Variants in CNOT4 observed in about 807,000 individuals in gnomAD.
The protein encoded by CNOT4 is CCR4-NOT transcription complex subunit 4, also known as CCR4-associated factor 4.
Under a neutral mutation model 73.8 loss-of-function variants are expected in CNOT4, and 8 were observed. The ratio of observed to expected loss-of-function variants is 0.11; its 90% CI spans 0.06 to 0.20. The LOEUF is 0.20. Ranked by LOEUF, CNOT4 falls within the 10% of genes least tolerant of loss-of-function variation. The pLI is 1.00. For missense variants in CNOT4, 564 were observed against 883.4 expected, an observed-to-expected ratio of 0.64 and a Z score of 4.58; for synonymous variants, 293 against 321.1, an observed-to-expected ratio of 0.91 and a Z score of 0.94.
chr7:135,489,764 C>G (rs1311974825), intron 1 of CNOT4, among the ~76,000 whole-genome samples: 1 of 152,012 alleles, frequency 6.6e-6, no homozygotes, highest in African/African-American at 2.4e-5. Flanking sequence ...CAATAAAGGT[C>G]TAAGAAACAG....
At chr7:135,487,554 T>G (rs1802811310) in intron 1 of CNOT4, among the ~76,000 whole-genome samples, 1 of 152,106 alleles carries the variant, frequency 6.6e-6, no homozygotes, top group Non-Finnish European at 1.5e-5. Context: ...TTTCCGTACC[T>G]AAGCAGGTAT....
intron 2 of CNOT4, among the ~76,000 whole-genome samples, chr7:135,423,739 T>C (rs1026394682): frequency 3.9e-5 from 6 of 152,166 alleles, no homozygotes; most frequent in African/African-American, 1.4e-4. Flanking sequence ...CTTAACAGTT[T>C]GGTAGGATGT....
chr7:135,371,327 G>A (rs368579541), intron 10 of CNOT4, among the ~76,000 whole-genome samples: 1 of 152,196 alleles, frequency 6.6e-6, no homozygotes, highest in Non-Finnish European at 1.5e-5. Flanking sequence ...AAGGGTAAAT[G>A]TGTTTAAATA....
chr7:135,365,014 GA>G (rs1239361676), intron 10 of CNOT4, among the ~76,000 whole-genome samples: 2 of 152,074 alleles, frequency 1.3e-5, no homozygotes, highest in Non-Finnish European at 2.9e-5. Flanking sequence ...TGGAGTTTTT[GA>G]AAAAAGCATA....
Position 135,470,687 on chromosome 7 carries a change from T to C in CNOT4, c.-92-32264A>G, listed in dbSNP as rs1357187600. Reference sequence around the variant, plus strand: ...TCAATAAAAAAGAAGTGCTAATAGGTGAAACATGAACAAACCTGGAAAGCA... The same window carrying C: ...TCAATAAAAAAGAAGTGCTAATAGGCGAAACATGAACAAACCTGGAAAGCA... On this transcript the variant is annotated intron_variant, in intron 1 of 11. Transcript: ENST00000541284. 2.0e-5 allele frequency among the ~76,000 whole-genome samples: 3 copies of C among 151,948 alleles called. No homozygotes were observed. In the East Asian group the frequency reaches 5.8e-4, roughly 29 times the overall value.
chr7:135,395,605 T>C (rs1042005380), intron 9 of CNOT4, 29 bp downstream of exon 9: 5 of 1,597,028 alleles, frequency 3.1e-6, no homozygotes, highest in Non-Finnish European at 4.3e-6. Flanking sequence ...AGAGCATAAT[T>C]ACTAATACTT....
intron 10 of CNOT4, chr7:135,389,021 G>A (rs1176996987): frequency 9.5e-6 from 8 of 838,032 alleles, no homozygotes; most frequent in Non-Finnish European, 1.4e-5. Flanking sequence ...TGGAATCCAG[G>A]TGTGAAACAA....
chr7:135,401,424 T>C (rs959785545), intron 7 of CNOT4, among the ~76,000 whole-genome samples: 3 of 152,212 alleles, frequency 2.0e-5, no homozygotes, highest in Non-Finnish European at 4.4e-5. Flanking sequence ...AGAATTTGGA[T>C]GCACTAAGAT....
chr7:135,372,619 C>A (rs569489688), intron 10 of CNOT4, among the ~76,000 whole-genome samples: 1 of 147,300 alleles, frequency 6.8e-6, no homozygotes, highest in African/African-American at 2.5e-5. Flanking sequence ...GGCAATGGTG[C>A]GACCTCGGCT....
chr7:135,440,204 G>A (rs1799390981), intron 1 of CNOT4, among the ~76,000 whole-genome samples: 1 of 133,592 alleles, frequency 7.5e-6, no homozygotes, highest in Non-Finnish European at 1.6e-5. Context: ...CTACAAAGCA[G>A]TAAGACACAG....
intron 1 of CNOT4, among the ~76,000 whole-genome samples, chr7:135,483,999 G>T (rs1802557388): frequency 6.6e-6 from 1 of 152,036 alleles, no homozygotes; most frequent in Non-Finnish European, 1.5e-5. Context: ...TCCGAAACCA[G>T]CCTGGCCAAC....
chr7:135,416,035 C>T (rs1054876143), intron 3 of CNOT4, among the ~76,000 whole-genome samples: 21 of 152,004 alleles, frequency 1.4e-4, no homozygotes, highest in East Asian at 3.9e-4. Context: ...CTAATTTGAC[C>T]GGTATGTAAC....
At chr7:135,458,772 G>A (rs1800699908) in intron 1 of CNOT4, among the ~76,000 whole-genome samples, 1 of 151,992 alleles carries the variant, frequency 6.6e-6, no homozygotes, top group Non-Finnish European at 1.5e-5. Flanking sequence ...TCTTCAGGCT[G>A]TACTTCTAAT....
intron 1 of CNOT4, among the ~76,000 whole-genome samples, chr7:135,453,989 CAT>C (rs371504271): frequency 0.027 from 3,661 of 133,920 alleles, 138 homozygotes; most frequent in African/African-American, 0.085. Flanking sequence ...AATATATATA[CAT>C]ATATATATAT....
chr7:135,395,729 T>G lies in CNOT4; in HGVS notation c.1034A>C (p.Asn345Thr). 6.2e-7 allele frequency: 1 copy of G among 1,613,960 alleles called. No individual in the cohort carries two copies. The highest frequency in any genetic ancestry group is 1.1e-5 in the South Asian group (1 of 91,066). Residue 345 changes from asparagine to threonine, a missense_variant, in exon 9 of 12, where the codon AAC becomes ACC. By Grantham distance (65) the Asn-to-Thr change is moderately conservative (BLOSUM62 0). This residue lies in a region of CNOT4 where 135 missense variants were observed against 154.0 expected (regional missense o/e 0.88). Transcript: ENST00000541284. ...AGGAGGAAGCCCACTTGGGATAGGG[T>G]TGGGATGGCGAAAATTGTCTGAGAA... ...SLFSDNFRHP[N>T]PIPSGLPPFP...
At chr7:135,368,227 TCTG>T (rs1165560976) in intron 10 of CNOT4, among the ~76,000 whole-genome samples, 1 of 152,176 alleles carries the variant, frequency 6.6e-6, no homozygotes, top group African/African-American at 2.4e-5. Context: ...TAGTTAAAAT[TCTG>T]CTACCTTGCT....
At chr7:135,380,120 TG>T in intron 10 of CNOT4, among the ~76,000 whole-genome samples, 4 of 151,542 alleles carry the variant, frequency 2.6e-5, no homozygotes, top group Admixed American at 2.6e-4. Context: ...CTTCCTTGAT[TG>T]GGGAAAAAAA....
intron 2 of CNOT4, 57 bp downstream of exon 2, chr7:135,438,100 GC>G: frequency 1.1e-6 from 1 of 906,750 alleles, no homozygotes; most frequent in Non-Finnish European, 1.8e-6. Flanking sequence ...CATATACATG[GC>G]AGCAAAAAAC....
At chr7:135,477,614 C>T (rs113030940) in intron 1 of CNOT4, among the ~76,000 whole-genome samples, 3,042 of 152,282 alleles carry the variant, frequency 0.02, 109 homozygotes, top group African/African-American at 0.069. Context: ...GCATATTCTT[C>T]CATCTTAATA....
Sources: gnomAD v4.1 joint callset for allele counts (sites outside exome capture counted in the v4.1 genomes callset) on GRCh38, gnomAD v4.1.1 for gene constraint, gnomAD v4.1.1 regional missense constraint, MANE v1.5 for transcripts, NCBI Gene and HGNC (gene_info 2026-07-23, HGNC 2026-07-21) for gene names.